Variants in HDAC8 observed in about 807,000 individuals in gnomAD.
The protein encoded by HDAC8 is histone deacetylase-like 1.
In HDAC8, 1 loss-of-function variant was observed where a neutral mutation model predicts 32.2. That is an observed-to-expected ratio of 0.03 (90% CI 0.01 to 0.15). The LOEUF is 0.15. Among genes scored for constraint, HDAC8 ranks in the 10% least tolerant of loss-of-function variants. HDAC8 has a pLI of 1.00. For synonymous variants in HDAC8, 108 were observed against 113.9 expected (o/e 0.95, Z 0.33); for missense variants, 117 against 300.0 (o/e 0.39, Z 4.51).
chrX:72,453,961 A>G (rs1402146393), intron 9 of HDAC8, among the ~76,000 whole-genome samples: 1 of 112,064 alleles, frequency 8.9e-6, no homozygotes. Flanking sequence ...TCTTTCCAGA[A>G]TTAAGACAAA....
rs1197096157 is a variant in HDAC8 at position 72,338,847 on chromosome X, G to A, written c.1112-8771C>T. ...GAGGATCCCTTGAGCCCAGGAGTTC[G>A]AGACCAGCCTGGGGAAAATAGGGAG... On this transcript the variant is annotated intron_variant, in intron 10 of 10. Transcript: ENST00000373573. 6.6e-5 allele frequency among the ~76,000 whole-genome samples: 7 copies of A among 106,137 alleles called. No homozygotes were observed. The South Asian group carries it at 1.7e-3, about 25-fold the overall frequency. The allele number at this position is 106,137 out of a possible 115,157, so 92.2% of individuals were successfully genotyped here. A position where few individuals can be genotyped will look rare whatever the true frequency, so the allele number is the denominator to read the frequency against.
At chrX:72,443,878 C>A (rs2047269984) in intron 9 of HDAC8, among the ~76,000 whole-genome samples, 1 of 109,502 alleles carries the variant, frequency 9.1e-6, no homozygotes, top group Admixed American at 9.7e-5. Flanking sequence ...CACAGAAATA[C>A]AAACTACCAT....
In HDAC8 at chrX:72,474,180, C is replaced by T. The variant is rs1248163631; in HGVS notation, c.738-9449G>A. 16 of 750,327 alleles carry T rather than the reference C, an allele frequency of 2.1e-5. No homozygotes were observed. The African/African-American group carries it at 2.8e-4, about 13-fold the overall frequency. 61.8% of individuals were successfully genotyped at this position (750,327 alleles called of 1,213,427 possible). ...TCAAATGTTACCTCCTCAATTACGC[C>T]TTTTTCTGAAGTATTTTCTCTCTTT... On this transcript the variant is annotated intron_variant, in intron 7 of 10. Coordinates refer to ENST00000373573, the MANE Select transcript of HDAC8 (RefSeq NM_018486.3).
intron 9 of HDAC8, among the ~76,000 whole-genome samples, chrX:72,442,062 G>C (rs2047171305): frequency 9.0e-6 from 1 of 111,263 alleles, no homozygotes. Flanking sequence ...CGTCTGATTG[G>C]TGTACCTGAA....
chrX:72,493,202 A>T (rs2048921219), intron 5 of HDAC8, among the ~76,000 whole-genome samples: 1 of 111,445 alleles, frequency 9.0e-6, no homozygotes, highest in African/African-American at 3.3e-5. Context: ...CATGTCATGA[A>T]TAGTGAGACA....
chrX:72,466,086 C>T (rs1221157021), intron 7 of HDAC8, among the ~76,000 whole-genome samples: 7 of 111,986 alleles, frequency 6.3e-5, no homozygotes, highest in Non-Finnish European at 1.1e-4. Flanking sequence ...ATAGTTTAGA[C>T]GACATTTATT....
At chrX:72,446,659 C>T (rs1165313194) in intron 9 of HDAC8, among the ~76,000 whole-genome samples, 1 of 110,048 alleles carries the variant, frequency 9.1e-6, no homozygotes, top group African/African-American at 3.3e-5. Context: ...ACATTGTGCA[C>T]ATGTACCCTA....
At chrX:72,418,829 G>A (rs1464311739) in intron 9 of HDAC8, among the ~76,000 whole-genome samples, 1 of 111,405 alleles carries the variant, frequency 9.0e-6, no homozygotes, top group Admixed American at 9.5e-5. Flanking sequence ...TGAAGTAGGG[G>A]TGCAACTTAA....
In HDAC8 at chrX:72,506,954, C is replaced by T. The variant is rs1325210878; in HGVS notation, c.438-11686G>A. On this transcript the variant is annotated intron_variant, in intron 4 of 10. Coordinates refer to ENST00000373573, the MANE Select transcript of HDAC8 (RefSeq NM_018486.3). Reference sequence around the variant, plus strand: ...GCAACCTCCACCAGGCTCAAGTGATCCTCCCACCTCAGCCTCCCAAGTAGC... The same window carrying T: ...GCAACCTCCACCAGGCTCAAGTGATTCTCCCACCTCAGCCTCCCAAGTAGC... Among the ~76,000 whole-genome samples the T allele has an allele frequency of 3.6e-5, 4 of 110,808 alleles. No individual in the cohort carries two copies. In the Admixed American group the frequency reaches 3.8e-4, roughly 11 times the overall value.
chrX:72,345,767 A>G (rs1339959239), intron 10 of HDAC8, among the ~76,000 whole-genome samples: 1 of 110,985 alleles, frequency 9.0e-6, no homozygotes, highest in African/African-American at 3.3e-5. Context: ...TGCAGCCTCA[A>G]CCTCCCTGGG....
intron 7 of HDAC8, among the ~76,000 whole-genome samples, chrX:72,481,256 C>G (rs781836172): frequency 1.2e-3 from 137 of 110,555 alleles, no homozygotes; most frequent in Non-Finnish European, 2.1e-3. Flanking sequence ...ATCATGAGAA[C>G]AGCATGAGGG....
intron 5 of HDAC8, among the ~76,000 whole-genome samples, chrX:72,492,278 G>T (rs73498376): frequency 0.057 from 6,345 of 111,915 alleles, 416 homozygotes; most frequent in African/African-American, 0.19. Context: ...TAGGCAGAAA[G>T]AATGGTTTTG....
At chrX:72,454,179 T>C (rs782308059) in intron 9 of HDAC8, among the ~76,000 whole-genome samples, 3 of 112,206 alleles carry the variant, frequency 2.7e-5, no homozygotes, top group Non-Finnish European at 5.6e-5. Context: ...TGTAGGGTCA[T>C]GTTGGAATCA....
In HDAC8 at chrX:72,401,321, A is replaced by G. The variant is rs975793103; in HGVS notation, c.1006-49483T>C. Among the ~76,000 whole-genome samples the G allele has an allele frequency of 5.4e-5, 6 of 110,941 alleles. No homozygotes were observed. In the South Asian group the frequency reaches 1.9e-3, roughly 36 times the overall value. ...GCAATCTTGGCTCACTGCAACCTCA[A>G]CCTCCTGGGTTCAAGTGATTTTCCT... On this transcript the variant is annotated intron_variant, in intron 9 of 10. Transcript: ENST00000373573.
At chrX:72,342,224 A>G (rs1421229169) in intron 10 of HDAC8, among the ~76,000 whole-genome samples, 2 of 112,769 alleles carry the variant, frequency 1.8e-5, no homozygotes, top group Admixed American at 1.9e-4. Context: ...TTCTCAAAAG[A>G]CTGTGAGCTC....
At chrX:72,551,737 A>G (rs1556072052) in intron 4 of HDAC8, among the ~76,000 whole-genome samples, 1 of 112,064 alleles carries the variant, frequency 8.9e-6, no homozygotes, top group East Asian at 2.8e-4. Context: ...TCCAACCAGT[A>G]CATTTTCAGC....
In HDAC8 at chrX:72,358,015, C is replaced by T. The variant is rs1439505293; in HGVS notation, c.1006-6177G>A. Among the ~76,000 whole-genome samples the T allele has an allele frequency of 6.3e-5, 7 of 110,408 alleles. No individual in the cohort carries two copies. The Admixed American group carries it at 6.8e-4, about 11-fold the overall frequency. On this transcript the variant is annotated intron_variant, in intron 9 of 10. Transcript: ENST00000373573. Reference sequence around the variant, plus strand: ...CACCACCCAGGTTCAGGCGATTCTCCTGCCTCAGCCTCCCGAGTAGCTGGG... The same window carrying T: ...CACCACCCAGGTTCAGGCGATTCTCTTGCCTCAGCCTCCCGAGTAGCTGGG...
At chrX:72,572,619 A>G in intron 1 of HDAC8, 32 bp downstream of exon 1, 3 of 646,562 alleles carry the variant, frequency 4.6e-6, no homozygotes, top group Non-Finnish European at 6.3e-6. Context: ...CCACCCCCAA[A>G]GCCCATGGTC....
chrX:72,459,045 TTTC>T (rs2047798107), intron 9 of HDAC8, among the ~76,000 whole-genome samples: 1 of 111,757 alleles, frequency 8.9e-6, no homozygotes, highest in Non-Finnish European at 1.9e-5. Context: ...AGAATGCCTT[TTTC>T]TTCTTCTTCA....
Sources: gnomAD v4.1 joint callset for allele counts (sites outside exome capture counted in the v4.1 genomes callset) on GRCh38, gnomAD v4.1.1 for gene constraint, MANE v1.5 for transcripts, NCBI Gene and HGNC (gene_info 2026-07-23, HGNC 2026-07-21) for gene names.